SLC35F5: variants seen among roughly 807,000 people sequenced by gnomAD.
SLC35F5 encodes solute carrier family 35 member F5.
SLC35F5 carries 54 observed loss-of-function variants against 68.6 expected under a neutral mutation model. The observed-to-expected ratio is 0.79, with a 90% confidence interval of 0.63 to 0.99. The LOEUF is 0.99. Among genes scored for constraint, SLC35F5 ranks in the 50% least tolerant of loss-of-function variants. The pLI is 0.00. For synonymous variants in SLC35F5, 211 were observed against 205.2 expected, an observed-to-expected ratio of 1.03 and a Z score of -0.24; for missense variants, 567 against 626.9, an observed-to-expected ratio of 0.90 and a Z score of 1.02.
Position 113,755,329 on chromosome 2 carries a change from C to G in SLC35F5, c.132-23G>C, listed in dbSNP as rs757206937. The G allele has an allele frequency of 4.3e-6, 7 of 1,612,276 alleles. No homozygotes were observed. The African/African-American group carries it at 9.4e-5, about 22-fold the overall frequency. Reference sequence around the variant, plus strand: ...AGTCTGTTTTTTAGAAAATACAGATCACATTAGAGATGATTTTAGAAAAAC... The same window carrying G: ...AGTCTGTTTTTTAGAAAATACAGATGACATTAGAGATGATTTTAGAAAAAC... On this transcript the variant is annotated intron_variant, in intron 2 of 15. Transcript: ENST00000245680.
At chr2:113,727,528 T>C (rs1358730616) in intron 11 of SLC35F5, among the ~76,000 whole-genome samples, 1 of 152,196 alleles carries the variant, frequency 6.6e-6, no homozygotes, top group Non-Finnish European at 1.5e-5. Flanking sequence ...TTAACATCCT[T>C]TGACCTAGAG....
chr2:113,746,454 A>G, intron 4 of SLC35F5, 115 bp from the exon 5 acceptor site: 1 of 717,264 alleles, frequency 1.4e-6, no homozygotes, highest in Non-Finnish European at 2.5e-6. Flanking sequence ...TGTAAGACTA[A>G]AACTGTTACT....
intron 13 of SLC35F5, 61 bp from the exon 14 acceptor site, chr2:113,719,369 T>G: frequency 6.9e-7 from 1 of 1,448,716 alleles, no homozygotes; most frequent in South Asian, 1.5e-5. Context: ...AATTTTCCCC[T>G]TCAATGTAAG....
At position 113,755,229 on chromosome 2, in the gene SLC35F5, G is replaced by A. The variant is rs749413468; in HGVS notation, c.209C>T (p.Ala70Val). The A allele has an allele frequency of 1.9e-6, 3 of 1,614,074 alleles. No homozygotes were observed. Among genetic ancestry groups the A allele is most frequent in the Non-Finnish European group, 2.5e-6 (3 of 1,180,016 alleles). Residue 70 changes from alanine (A) to valine (V), a missense_variant, in exon 3 of 16, where the codon GCT becomes GTT. Coordinates refer to ENST00000245680, the MANE Select transcript of SLC35F5 (RefSeq NM_025181.5). ...AAGCAGAAGAATAACAATCCCAAGA[G>A]CCATTCGCCTGCGCTGAGTGAAACC... ...NSGFTQRRRM[A>V]LGIVILLLVD...
At chr2:113,750,334 G>T in intron 4 of SLC35F5, 91 bp downstream of exon 4, 3 of 1,222,194 alleles carry the variant, frequency 2.5e-6, no homozygotes, top group Non-Finnish European at 2.2e-6. Flanking sequence ...CTTAAAATAT[G>T]ACCGTCCTTA....
intron 7 of SLC35F5, among the ~76,000 whole-genome samples, chr2:113,738,623 T>C (rs1013268342): frequency 2.0e-5 from 3 of 151,966 alleles, no homozygotes; most frequent in African/African-American, 7.2e-5. Flanking sequence ...AGAGATATTC[T>C]TGATAAAGCC....
At chr2:113,735,711 C>G (rs111707542) in intron 8 of SLC35F5, 66 bp downstream of exon 8, 1 of 1,024,478 alleles carries the variant, frequency 9.8e-7, no homozygotes, top group African/African-American at 1.6e-5. Flanking sequence ...TGTACATGTA[C>G]ACACATATAT....
In SLC35F5 at chr2:113,731,667, T is replaced by C. The variant is rs1465736488; in HGVS notation, c.921-19A>G. On this transcript the variant is annotated intron_variant, in intron 9 of 15. Transcript: ENST00000245680. The stretch of plus-strand genomic sequence containing the variant: ...TCCAATGCTATGAGAATAACAGTCA[T>C]TAATGATGAGCTAAAGAATTCTGAA... 6.3e-7 allele frequency: 1 copy of C among 1,598,728 alleles called. No homozygotes were observed. Among genetic ancestry groups the C allele is most frequent in the Admixed American group, 1.7e-5 (1 of 59,866 alleles).
chr2:113,704,931 C>G (rs1264704886), downstream of SLC35F5: 1 of 152,510 alleles, frequency 6.6e-6, no homozygotes, highest in Non-Finnish European at 1.5e-5. Context: ...GGAGAGTGAG[C>G]GAGGGCTGTG....
intron 12 of SLC35F5, among the ~76,000 whole-genome samples, chr2:113,723,894 G>A (rs1053825613): frequency 6.6e-6 from 1 of 152,126 alleles, no homozygotes; most frequent in Non-Finnish European, 1.5e-5. Context: ...GGAGACAGAT[G>A]AGCCATTTAT....
intron 3 of SLC35F5, among the ~76,000 whole-genome samples, chr2:113,753,797 T>C (rs1319365786): frequency 6.6e-6 from 1 of 152,150 alleles, no homozygotes; most frequent in Non-Finnish European, 1.5e-5. Context: ...CTAAATTTTA[T>C]TAACTAATAT....
chr2:113,721,678 C>G (rs1409440177), intron 13 of SLC35F5, among the ~76,000 whole-genome samples: 1 of 151,972 alleles, frequency 6.6e-6, no homozygotes, highest in Non-Finnish European at 1.5e-5. Flanking sequence ...GTTTCACAAC[C>G]AGTTTGGTTC....
At chr2:113,755,091 G>C in intron 3 of SLC35F5, 74 bp downstream of exon 3, 5 of 1,439,654 alleles carry the variant, frequency 3.5e-6, no homozygotes, top group Non-Finnish European at 4.8e-6. Context: ...GATTGTAACG[G>C]CTAGAGTTAC....
rs539875586 is a variant in SLC35F5 at position 113,710,774 on chromosome 2, A to C, written c.*4444T>G. 6.6e-6 allele frequency among the ~76,000 whole-genome samples: 1 copy of C among 152,080 alleles called. No individual in the cohort carries two copies. The highest frequency in any genetic ancestry group is 1.5e-5 in the Non-Finnish European group (1 of 68,016). ...GACAGAGTGAGACCCCATCTCAAAA[A>C]AAAAAAAAGAATTTCATCTCATGTC... On this transcript the variant is annotated 3_prime_UTR_variant, in exon 16 of 16. Transcript: ENST00000245680.
chr2:113,755,931 C>G, intron 1 of SLC35F5: 4 of 1,550,466 alleles, frequency 2.6e-6, no homozygotes, highest in Non-Finnish European at 3.5e-6. Flanking sequence ...TGTCCCTGAT[C>G]TGCTGGAGTG....
In SLC35F5 at chr2:113,710,465, C is replaced by G. The variant is rs578138853; in HGVS notation, c.*4753G>C. On this transcript the variant is annotated 3_prime_UTR_variant, in exon 16 of 16. Coordinates refer to ENST00000245680, the MANE Select transcript of SLC35F5 (RefSeq NM_025181.5). ...TTGGTTTTAGCCAGGCATGGTGGCT[C>G]ATGCCTGTAATCCCAGCACTTTGGG... is the stretch of plus-strand genomic sequence containing the variant. Among the ~76,000 whole-genome samples, 1 of 152,312 alleles carries G rather than the reference C, an allele frequency of 6.6e-6. No individual in the cohort carries two copies. Among genetic ancestry groups the G allele is most frequent in the African/African-American group, 2.4e-5 (1 of 41,568 alleles).
intron 7 of SLC35F5, among the ~76,000 whole-genome samples, chr2:113,738,506 C>T (rs897731448): frequency 6.6e-6 from 1 of 152,180 alleles, no homozygotes; most frequent in Admixed American, 6.5e-5. Context: ...CATCGATAGA[C>T]ACTCAGGTTG....
intron 6 of SLC35F5, 135 bp from the exon 7 acceptor site, chr2:113,743,014 A>G (rs1004527885): frequency 2.6e-6 from 2 of 781,718 alleles, no homozygotes; most frequent in Admixed American, 3.0e-5. Flanking sequence ...AAAAAGAGGT[A>G]TATCATTACC....
chr2:113,755,420 T>A (rs999004964), intron 2 of SLC35F5, 34 bp downstream of exon 2: 1 of 1,610,988 alleles, frequency 6.2e-7, no homozygotes, highest in African/African-American at 1.3e-5. Flanking sequence ...ATGTTCAGTG[T>A]GAAAGTTACA....
Sources: gnomAD v4.1 joint callset for allele counts (sites outside exome capture counted in the v4.1 genomes callset) on GRCh38, gnomAD v4.1.1 for gene constraint, MANE v1.5 for transcripts, NCBI Gene and HGNC (gene_info 2026-07-23, HGNC 2026-07-21) for gene names.